ACVR1: variants seen among roughly 807,000 people sequenced by gnomAD.
ACVR1 encodes activin A receptor type 1, also known as activin receptor type-1.
Under a neutral mutation model 57.1 loss-of-function variants are expected in ACVR1, and 38 were observed. The ratio of observed to expected loss-of-function variants is 0.67; its 90% CI spans 0.51 to 0.87. The LOEUF (loss-of-function observed/expected upper bound fraction) is 0.87. ACVR1 is among the 40% of genes least tolerant of loss of function. The pLI, the probability that ACVR1 is intolerant of heterozygous loss-of-function variation, is 0.00. For missense variants in ACVR1, 463 were observed against 638.2 expected, an observed-to-expected ratio of 0.73 and a Z score of 2.96; for synonymous variants, 212 against 228.1, an observed-to-expected ratio of 0.93 and a Z score of 0.63.
chr2:157,817,869 G>A (rs969203356), intron 2 of ACVR1, among the ~76,000 whole-genome samples: 1 of 151,982 alleles, frequency 6.6e-6, no homozygotes, highest in Admixed American at 6.6e-5. Context: ...GGCTGTGGCG[G>A]CACACACCTG....
chr2:157,851,420 T>C (rs1689297735), intron 1 of ACVR1, among the ~76,000 whole-genome samples: 1 of 152,046 alleles, frequency 6.6e-6, no homozygotes, highest in Non-Finnish European at 1.5e-5. Flanking sequence ...CAATCAGCTC[T>C]AGAAACCAAT....
intron 7 of ACVR1, among the ~76,000 whole-genome samples, chr2:157,766,892 G>T (rs1019843896): frequency 3.3e-5 from 5 of 152,152 alleles, no homozygotes; most frequent in African/African-American, 1.2e-4. Context: ...AGGGCAACAT[G>T]AGCCCAGAGC....
chr2:157,825,590 G>T (rs1033281270), intron 1 of ACVR1, among the ~76,000 whole-genome samples: 6 of 152,164 alleles, frequency 3.9e-5, no homozygotes, highest in African/African-American at 1.4e-4. Context: ...CTGCACATGT[G>T]GGGAATCTAG....
At chr2:157,787,551 T>C (rs1281481485) in intron 3 of ACVR1, among the ~76,000 whole-genome samples, 1 of 152,196 alleles carries the variant, frequency 6.6e-6, no homozygotes, top group Non-Finnish European at 1.5e-5. Flanking sequence ...AAAGTCCCAG[T>C]GAATTGTAAA....
chr2:157,829,438 T>A lies in ACVR1; in HGVS notation c.-182-10879A>T, dbSNP rs560441382. Among the ~76,000 whole-genome samples the A allele has an allele frequency of 2.0e-5, 3 of 152,176 alleles. No individual in the cohort carries two copies. In the East Asian group the frequency reaches 5.8e-4, roughly 29 times the overall value. ...CAAGGTCTCCTCTACATCCCTGCCA[T>A]GAGTGTAGTAAATTGTTCATTGAGT... On this transcript the variant is annotated intron_variant, in intron 1 of 10. Coordinates refer to ENST00000434821, the MANE Select transcript of ACVR1 (RefSeq NM_001111067.4).
chr2:157,812,295 A>G (rs1007886542), intron 2 of ACVR1, among the ~76,000 whole-genome samples: 3 of 152,218 alleles, frequency 2.0e-5, no homozygotes, highest in African/African-American at 7.2e-5. Context: ...AGGTTCTTCA[A>G]CAGAGAAACT....
At chr2:157,782,865 C>T (rs1020218882) in intron 3 of ACVR1, among the ~76,000 whole-genome samples, 3 of 152,150 alleles carry the variant, frequency 2.0e-5, no homozygotes, top group African/African-American at 7.2e-5. Flanking sequence ...ATCATAGATA[C>T]CCCAGGATAT....
At chr2:157,852,677 T>C (rs1689365317) in intron 1 of ACVR1, among the ~76,000 whole-genome samples, 1 of 152,150 alleles carries the variant, frequency 6.6e-6, no homozygotes, top group East Asian at 1.9e-4. Flanking sequence ...ACAAGATAGG[T>C]ACCAATTTTA....
intron 1 of ACVR1, among the ~76,000 whole-genome samples, chr2:157,838,938 C>A (rs1688882841): frequency 1.3e-5 from 2 of 152,174 alleles, no homozygotes; most frequent in South Asian, 4.1e-4. Context: ...CAGCCCCACT[C>A]CTTTTTGAGT....
chr2:157,865,033 A>C (rs2105382140), intron 1 of ACVR1, among the ~76,000 whole-genome samples: 1 of 151,518 alleles, frequency 6.6e-6, no homozygotes, highest in Non-Finnish European at 1.5e-5. Context: ...TAAAACAATC[A>C]AAGTAAAGCT....
intron 2 of ACVR1, among the ~76,000 whole-genome samples, chr2:157,815,974 G>A (rs1408774454): frequency 6.6e-6 from 1 of 152,102 alleles, no homozygotes; most frequent in Non-Finnish European, 1.5e-5. Flanking sequence ...CTTGAGGACT[G>A]GTGATTATTA....
intron 5 of ACVR1, among the ~76,000 whole-genome samples, chr2:157,775,073 T>C (rs1049669575): frequency 9.8e-5 from 15 of 152,324 alleles, no homozygotes; most frequent in African/African-American, 2.4e-4. Flanking sequence ...AAGACTCCAA[T>C]GACCATGTGG....
Position 157,778,223 on chromosome 2 carries a change from T to A in ACVR1, c.451A>T (p.Arg151Trp), listed in dbSNP as rs1381732329. The stretch of plus-strand genomic sequence containing the variant: ...GGATTGAGGCGTTCTTGGTTGCGCC[T>A]TTTAAATTTTCGGAGAGCAACTCCC... ...LLGVALRKFK[R>W]RNQERLNPRD... The change falls in exon 5 of 11, where the codon AGG becomes TGG. Residue 151 changes from arginine to tryptophan, a missense_variant. Arg to Trp is a moderately radical substitution (Grantham distance 101). Transcript: ENST00000434821. 1 of 1,613,908 alleles carries A rather than the reference T, an allele frequency of 6.2e-7. No individual in the cohort carries two copies. Among genetic ancestry groups the A allele is most frequent in the Non-Finnish European group, 8.5e-7 (1 of 1,179,980 alleles).
intron 1 of ACVR1, among the ~76,000 whole-genome samples, chr2:157,843,311 G>T (rs1295642616): frequency 6.6e-6 from 1 of 152,166 alleles, no homozygotes; most frequent in Admixed American, 6.5e-5. Context: ...TTTACTGTGG[G>T]TGACTTGGAA....
At chr2:157,829,409 C>T (rs1231902606) in intron 1 of ACVR1, among the ~76,000 whole-genome samples, 2 of 152,198 alleles carry the variant, frequency 1.3e-5, no homozygotes, top group African/African-American at 4.8e-5. Flanking sequence ...CCAACTGACT[C>T]CTTCAAGGTC....
chr2:157,807,317 A>T (rs1687582952), intron 2 of ACVR1, among the ~76,000 whole-genome samples: 2 of 152,198 alleles, frequency 1.3e-5, no homozygotes, highest in Admixed American at 1.3e-4. Flanking sequence ...AATTTCTGAG[A>T]ATCCAGTGTT....
intron 9 of ACVR1, among the ~76,000 whole-genome samples, chr2:157,741,246 A>T (rs1684748180): frequency 6.6e-6 from 1 of 152,140 alleles, no homozygotes; most frequent in South Asian, 2.1e-4. Flanking sequence ...TATATTAGAA[A>T]TTCTCATTCT....
chr2:157,866,313 T>C (rs551330109), intron 1 of ACVR1, among the ~76,000 whole-genome samples: 39 of 152,184 alleles, frequency 2.6e-4, no homozygotes, highest in African/African-American at 8.2e-4. Context: ...GGGCTTAGAA[T>C]GTCCTAAAAC....
intron 1 of ACVR1, among the ~76,000 whole-genome samples, chr2:157,836,064 G>A (rs1189050216): frequency 2.6e-5 from 4 of 152,166 alleles, no homozygotes; most frequent in African/African-American, 7.2e-5. Flanking sequence ...TAACAGTGAC[G>A]ACCTGACATT....
Sources: allele counts gnomAD v4.1 joint callset (sites outside exome capture counted in the v4.1 genomes callset), GRCh38; gene constraint gnomAD v4.1.1; transcripts MANE v1.5; gene names NCBI Gene and HGNC (gene_info 2026-07-23, HGNC 2026-07-21).